The following PCDH15 variants were observed in gnomAD, a reference collection of about 807,000 sequenced individuals.
PCDH15 encodes the protein protocadherin related 15.
PCDH15 carries 129 observed loss-of-function variants against 178.5 expected under a neutral mutation model. The ratio of observed to expected loss-of-function variants is 0.72; its 90% CI spans 0.63 to 0.84. PCDH15 has a LOEUF of 0.84. PCDH15 is among the 40% of genes least tolerant of loss of function. The pLI is 0.00. For missense variants in PCDH15, 2,230 were observed against 2,099.9 expected (o/e 1.06, Z -1.21); for synonymous variants, 800 against 732.0 (o/e 1.09, Z -1.50).
At chr10:54,257,755 G>A (rs1170195188) in intron 8 of PCDH15, among the ~76,000 whole-genome samples, 2 of 152,094 alleles carry the variant, frequency 1.3e-5, no homozygotes, top group Admixed American at 6.6e-5. Flanking sequence ...ACAGTGTGAT[G>A]TCATACAGAT....
At chr10:54,393,222 A>G (rs1367614171) in intron 3 of PCDH15, among the ~76,000 whole-genome samples, 1 of 152,166 alleles carries the variant, frequency 6.6e-6, no homozygotes, top group Non-Finnish European at 1.5e-5. Context: ...TTTCTAGCTA[A>G]TGGTAGTCAG....
intron 7 of PCDH15, 147 bp downstream of exon 7, chr10:54,329,449 A>T: frequency 1.6e-6 from 1 of 625,856 alleles, no homozygotes; most frequent in Non-Finnish European, 2.8e-6. Context: ...TCCATCTATA[A>T]GAGTATTATA....
intron 20 of PCDH15, among the ~76,000 whole-genome samples, chr10:54,001,874 T>G (rs1478779738): frequency 6.6e-6 from 1 of 151,366 alleles, no homozygotes; most frequent in Non-Finnish European, 1.5e-5. Context: ...AATAAACACA[T>G]GGAAAAATAT....
At chr10:54,520,585 G>A (rs1407557117) in intron 3 of PCDH15, among the ~76,000 whole-genome samples, 1 of 152,068 alleles carries the variant, frequency 6.6e-6, no homozygotes, top group Non-Finnish European at 1.5e-5. Context: ...AGAGGATGTG[G>A]AGAAACAGGA....
intron 8 of PCDH15, among the ~76,000 whole-genome samples, chr10:54,295,358 C>T (rs556294719): frequency 3.9e-4 from 59 of 152,270 alleles, no homozygotes; most frequent in African/African-American, 9.6e-4. Flanking sequence ...AGGATGTGGG[C>T]GGGGCCAAAT....
intron 2 of PCDH15, among the ~76,000 whole-genome samples, chr10:55,588,394 T>G (rs572968622): frequency 3.9e-5 from 6 of 152,156 alleles, no homozygotes; most frequent in Non-Finnish European, 8.8e-5. Context: ...GTATTATAGA[T>G]GGCTTGCCAA....
At chr10:55,434,710 A>C (rs952067497) in intron 2 of PCDH15, among the ~76,000 whole-genome samples, 1 of 151,426 alleles carries the variant, frequency 6.6e-6, no homozygotes, top group African/African-American at 2.4e-5. Flanking sequence ...AGTTCAAGTG[A>C]TTCTCCTGCC....
rs189284385 is a variant in PCDH15, at chr10:53,940,971, G to A, written c.3127C>T (p.Pro1043Ser). The A allele has an allele frequency of 2.5e-4, 408 of 1,601,086 alleles. 1 individual carries two copies. Among genetic ancestry groups the A allele is most frequent in the Admixed American group, 4.5e-4 (27 of 59,966 alleles). ...PRFTQEEYRP[P>S]PVSELATKGT... ...TTGGTGGCAAGTTCACTTACTGGAG[G>A]AGGTCTGCAGGTTTAGAGAAGATGA... The change falls in exon 24 of 38, where the codon CCT (proline) becomes TCT (serine). Residue 1043 changes from proline (P) to serine (S), a missense_variant. Physicochemically the swap from Pro to Ser is moderately conservative, Grantham distance 74. Coordinates refer to ENST00000644397, the MANE Select transcript of PCDH15 (RefSeq NM_001384140.1).
At chr10:54,125,789 CTAT>C (rs928033862) in intron 15 of PCDH15, among the ~76,000 whole-genome samples, 90 of 152,180 alleles carry the variant, frequency 5.9e-4, no homozygotes, top group African/African-American at 2.0e-3. Context: ...GGTATTGATG[CTAT>C]TATTATTAAT....
At chr10:55,392,654 C>G (rs1319937563) in intron 2 of PCDH15, among the ~76,000 whole-genome samples, 1 of 151,950 alleles carries the variant, frequency 6.6e-6, no homozygotes, top group African/African-American at 2.4e-5. Flanking sequence ...TCAGGCCAAG[C>G]ATTAATATAT....
chr10:54,792,715 T>A, intron 1 of PCDH15, among the ~76,000 whole-genome samples: 1 of 151,820 alleles, frequency 6.6e-6, no homozygotes, highest in East Asian at 1.9e-4. Flanking sequence ...GGACTTCTCA[T>A]TCTCTGTGAT....
chr10:55,097,042 T>G (rs1233924670), intron 2 of PCDH15, among the ~76,000 whole-genome samples: 2 of 152,086 alleles, frequency 1.3e-5, no homozygotes, highest in African/African-American at 4.8e-5. Flanking sequence ...TTGGGTGATC[T>G]GATACAAGGA....
intron 1 of PCDH15, among the ~76,000 whole-genome samples, chr10:55,253,594 G>C (rs917478910): frequency 1.4e-5 from 2 of 147,126 alleles, no homozygotes; most frequent in Non-Finnish European, 3.0e-5. Flanking sequence ...CATTTTAAGT[G>C]AACCATAATA....
chr10:55,472,758 C>G (rs908020319), intron 2 of PCDH15, among the ~76,000 whole-genome samples: 9 of 152,016 alleles, frequency 5.9e-5, no homozygotes, highest in Non-Finnish European at 1.3e-4. Context: ...TTAGTAGAGA[C>G]GGGGTTTCAC....
At chr10:55,044,793 G>A (rs1449518348) in intron 2 of PCDH15, among the ~76,000 whole-genome samples, 1 of 151,844 alleles carries the variant, frequency 6.6e-6, no homozygotes, top group Non-Finnish European at 1.5e-5. Flanking sequence ...CTTATTGAAG[G>A]CTTGCCATGT....
At chr10:55,284,926 A>C (rs1842829296) in intron 1 of PCDH15, among the ~76,000 whole-genome samples, 1 of 151,818 alleles carries the variant, frequency 6.6e-6, no homozygotes, top group Non-Finnish European at 1.5e-5. Context: ...TAGATAAAGA[A>C]AAGAAATAGT....
chr10:53,984,432 G>C (rs944343489), intron 21 of PCDH15, among the ~76,000 whole-genome samples: 3 of 152,052 alleles, frequency 2.0e-5, no homozygotes, highest in African/African-American at 7.2e-5. Context: ...TTACAGGCGT[G>C]AGCCACCGTG....
At chr10:54,697,402 A>T (rs552573609) in intron 1 of PCDH15, among the ~76,000 whole-genome samples, 2 of 151,920 alleles carry the variant, frequency 1.3e-5, no homozygotes, top group African/African-American at 4.8e-5. Flanking sequence ...TGTTGAAAAT[A>T]CATGATTACC....
upstream of PCDH15, among the ~76,000 whole-genome samples, chr10:55,321,388 A>T (rs1484789540): frequency 2.0e-5 from 3 of 152,190 alleles, no homozygotes; most frequent in African/African-American, 7.2e-5. Context: ...CCCTGAAAAG[A>T]GAATGAGAGA....
Sources: allele counts gnomAD v4.1 joint callset (sites outside exome capture counted in the v4.1 genomes callset), GRCh38; gene constraint gnomAD v4.1.1; transcripts MANE v1.5; gene names NCBI Gene and HGNC (gene_info 2026-07-23, HGNC 2026-07-21).